The following TES variants were observed in gnomAD, a reference collection of about 807,000 sequenced individuals.
TES encodes testin.
TES carries 41 observed loss-of-function variants against 48.2 expected under a neutral mutation model. The ratio of observed to expected loss-of-function variants is 0.85; its 90% CI spans 0.66 to 1.10. The LOEUF is 1.10. Among genes scored for constraint, TES ranks in the 50% least tolerant of loss-of-function variants. The pLI, the probability that TES is intolerant of heterozygous loss-of-function variation, is 0.00. For missense variants in TES, 463 were observed against 515.1 expected (o/e 0.90, Z 0.98); for synonymous variants, 162 against 174.9 (o/e 0.93, Z 0.58).
At chr7:116,252,523 T>G in intron 6 of TES, 47 bp downstream of exon 6, 1 of 1,613,802 alleles carries the variant, frequency 6.2e-7, no homozygotes, top group South Asian at 1.1e-5. Context: ...GCTTTAGGAC[T>G]TGAGTTTATG....
intron 1 of TES, chr7:116,222,786 A>T (rs1799571999): frequency 6.2e-6 from 1 of 162,532 alleles, no homozygotes; most frequent in Non-Finnish European, 1.3e-5. Context: ...TCAGGTTTTT[A>T]AAGTCCCTTT....
chr7:116,239,964 C>T (rs1799823833), intron 2 of TES, among the ~76,000 whole-genome samples: 1 of 152,096 alleles, frequency 6.6e-6, no homozygotes, highest in South Asian at 2.1e-4. Context: ...TATTGTTTTG[C>T]TTTACCTTTG....
intron 1 of TES, among the ~76,000 whole-genome samples, chr7:116,218,983 C>T (rs1274811813): frequency 6.6e-6 from 1 of 152,082 alleles, no homozygotes; most frequent in African/African-American, 2.4e-5. Flanking sequence ...GTTTCTCTGC[C>T]TATCTCATCA....
chr7:116,253,941 A>G (rs914176846), intron 6 of TES, among the ~76,000 whole-genome samples: 4 of 151,788 alleles, frequency 2.6e-5, no homozygotes, highest in African/African-American at 4.8e-5. Context: ...AGCTTGCCTT[A>G]TATCTTGCTT....
chr7:116,234,998 G>T (rs933775227), intron 2 of TES, among the ~76,000 whole-genome samples: 16 of 152,184 alleles, frequency 1.1e-4, no homozygotes, highest in Admixed American at 2.0e-4. Flanking sequence ...AGACTGGAGT[G>T]CAGTGGTGTG....
chr7:116,210,562 A>C lies in TES; in HGVS notation c.-146A>C. 1 of 888,254 alleles carries C rather than the reference A, an allele frequency of 1.1e-6. No homozygotes were observed. 55.0% of individuals were successfully genotyped at this position (888,254 alleles called of 1,614,324 possible). On this transcript the variant is annotated 5_prime_UTR_variant, in exon 1 of 7. Coordinates refer to ENST00000358204, the MANE Select transcript of TES (RefSeq NM_015641.4). ...CCGCTGCGGCGGACTGGGCGGCGGA[A>C]GTTCGACGGCGCCGGGCGAGTGGCT...
intron 1 of TES, among the ~76,000 whole-genome samples, chr7:116,212,555 T>TA (rs1363118253): frequency 6.6e-6 from 1 of 152,104 alleles, no homozygotes; most frequent in Non-Finnish European, 1.5e-5. Flanking sequence ...GCTGTGAAGC[T>TA]AAAAAATGCT....
At chr7:116,219,431 A>G (rs545902491) in intron 1 of TES, among the ~76,000 whole-genome samples, 1 of 152,214 alleles carries the variant, frequency 6.6e-6, no homozygotes, top group Non-Finnish European at 1.5e-5. Context: ...TGTGTCATCT[A>G]TTGAGAGAGA....
intron 1 of TES, 142 bp downstream of exon 1, chr7:116,210,876 AGGGACCTGGCCCCCTGGGTAGAGGAGGT>A: frequency 1.4e-6 from 1 of 695,262 alleles, no homozygotes; most frequent in Non-Finnish European, 2.0e-6. Flanking sequence ...CCCCGGGCCC[AGGGACCTGGCCCCCTGGGTAGAGGAGGT>A]GCTCGGCGGC....
intron 6 of TES, among the ~76,000 whole-genome samples, chr7:116,256,641 T>C (rs1186616822): frequency 6.6e-6 from 1 of 152,122 alleles, no homozygotes. Context: ...GTATGTCATG[T>C]ATATATACAT....
At chr7:116,212,138 A>C (rs570175665) in intron 1 of TES, among the ~76,000 whole-genome samples, 1 of 152,220 alleles carries the variant, frequency 6.6e-6, no homozygotes, top group Non-Finnish European at 1.5e-5. Context: ...TTTAGTTTTC[A>C]AGTAGGTAAG....
chr7:116,213,241 C>G (rs978446734), intron 1 of TES, among the ~76,000 whole-genome samples: 1 of 152,178 alleles, frequency 6.6e-6, no homozygotes, highest in African/African-American at 2.4e-5. Context: ...ACCTAGTTTT[C>G]AAGTCTCCTT....
At chr7:116,246,901 C>G (rs545577512) in intron 2 of TES, among the ~76,000 whole-genome samples, 5 of 147,960 alleles carry the variant, frequency 3.4e-5, no homozygotes, top group Admixed American at 6.7e-5. Context: ...TATTTAATGT[C>G]TATCTCCCAC....
At chr7:116,251,681 T>C in intron 4 of TES, 79 bp from the exon 5 acceptor site, 3 of 1,265,158 alleles carry the variant, frequency 2.4e-6, no homozygotes, top group Non-Finnish European at 3.4e-6. Context: ...AGACTCAGTC[T>C]CAAAAAAAAA....
At chr7:116,235,126 T>G (rs1055792733) in intron 2 of TES, among the ~76,000 whole-genome samples, 4 of 152,200 alleles carry the variant, frequency 2.6e-5, no homozygotes, top group African/African-American at 7.2e-5. Flanking sequence ...CTTTTTTGTA[T>G]TCTTAGTAGA....
intron 1 of TES, among the ~76,000 whole-genome samples, chr7:116,233,207 T>G (rs571800231): frequency 6.6e-6 from 1 of 152,350 alleles, no homozygotes; most frequent in Non-Finnish European, 1.5e-5. Flanking sequence ...CAGAGTAATC[T>G]GATTACTGGT....
chr7:116,237,630 TC>T (rs1254625244), intron 2 of TES, among the ~76,000 whole-genome samples: 4 of 152,146 alleles, frequency 2.6e-5, no homozygotes, highest in Non-Finnish European at 5.9e-5. Context: ...CTCTGAGAAG[TC>T]TTCCCTGCCC....
chr7:116,237,823 G>C (rs1399612346), intron 2 of TES: 1 of 150,782 alleles, frequency 6.6e-6, no homozygotes, highest in African/African-American at 2.5e-5. Context: ...TGCTCACATG[G>C]CCTTTCCTTG....
chr7:116,222,848 A>G (rs1000966), intron 1 of TES: 105,467 of 354,792 alleles, frequency 0.3, 16,453 homozygotes, highest in East Asian at 0.57. Flanking sequence ...GCATTCCATT[A>G]CAGTGTCTTT....
Sources: allele counts gnomAD v4.1 joint callset (sites outside exome capture counted in the v4.1 genomes callset), GRCh38; gene constraint gnomAD v4.1.1; transcripts MANE v1.5; gene names NCBI Gene and HGNC (gene_info 2026-07-23, HGNC 2026-07-21).